The following EYS variants were observed in gnomAD, a reference collection of about 807,000 sequenced individuals.
The protein encoded by EYS is protein eyes shut homolog.
A neutral mutation model predicts 282.1 loss-of-function variants in EYS; 250 were observed. The ratio of observed to expected loss-of-function variants is 0.89; its 90% CI spans 0.80 to 0.98. The LOEUF (loss-of-function observed/expected upper bound fraction) is 0.98, where lower values mean the gene tolerates loss of function less well. Among genes scored for constraint, EYS ranks in the 50% least tolerant of loss-of-function variants. The probability of loss-of-function intolerance (pLI) is 0.00; values close to 1 mark genes in which losing one functional copy is unlikely to be tolerated. For synonymous variants in EYS, 1,355 were observed against 1,282.9 expected (o/e 1.06, Z -1.20); for missense variants, 4,016 against 3,709.0 (o/e 1.08, Z -2.15).
At position 64,816,461 on chromosome 6, in the gene EYS, G is replaced by T. The variant is rs1764743379; in HGVS notation, c.3244-2884C>A. On this transcript the variant is annotated intron_variant, in intron 21 of 42. Coordinates refer to ENST00000503581, the MANE Select transcript of EYS (RefSeq NM_001142800.2). ...TGGTAGTAAAAAGAGTCTGGAAAAG[G>T]AAATGCAACTTCTCTTACCCCCACT... 2.0e-5 allele frequency among the ~76,000 whole-genome samples: 3 copies of T among 151,996 alleles called. No individual in the cohort carries two copies. The South Asian group carries it at 6.2e-4, about 31-fold the overall frequency.
At chr6:65,270,652 A>G (rs1009937119) in intron 12 of EYS, among the ~76,000 whole-genome samples, 4 of 152,154 alleles carry the variant, frequency 2.6e-5, no homozygotes, top group Non-Finnish European at 5.9e-5. Context: ...AAAGTCAGAA[A>G]GAAGCAAGCA....
intron 5 of EYS, among the ~76,000 whole-genome samples, chr6:65,457,076 G>A (rs180993879): frequency 2.0e-4 from 30 of 152,252 alleles, no homozygotes; most frequent in Non-Finnish European, 3.7e-4. Flanking sequence ...TATGCCATGT[G>A]TCACTTAAAG....
At chr6:63,959,566 T>C (rs962803829) in intron 35 of EYS, among the ~76,000 whole-genome samples, 1 of 152,210 alleles carries the variant, frequency 6.6e-6, no homozygotes, top group African/African-American at 2.4e-5. Flanking sequence ...TCTGCATGTA[T>C]GTTTATTACA....
intron 26 of EYS, among the ~76,000 whole-genome samples, chr6:64,459,606 C>G (rs533070487): frequency 6.6e-6 from 1 of 152,230 alleles, no homozygotes; most frequent in South Asian, 2.1e-4. Flanking sequence ...GGCCTGAGAG[C>G]CCCTGGAAAA....
At chr6:64,392,906 GAA>G (rs1335553407) in intron 28 of EYS, among the ~76,000 whole-genome samples, 1 of 151,960 alleles carries the variant, frequency 6.6e-6, no homozygotes, top group Non-Finnish European at 1.5e-5. Context: ...AAAAAAGAGA[GAA>G]GAATCAAATA....
chr6:64,211,460 G>A (rs546539541), intron 31 of EYS, among the ~76,000 whole-genome samples: 1 of 151,668 alleles, frequency 6.6e-6, no homozygotes, highest in South Asian at 2.1e-4. Flanking sequence ...AGATTTTGAC[G>A]TGTCAGTCAC....
chr6:64,432,064 A>G (rs954434355), intron 28 of EYS, among the ~76,000 whole-genome samples: 3 of 152,132 alleles, frequency 2.0e-5, no homozygotes, highest in Admixed American at 6.6e-5. Flanking sequence ...GACTGTACAT[A>G]AACATAGCTG....
intron 22 of EYS, chr6:64,631,249 G>A (rs372621840): frequency 2.0e-5 from 3 of 152,142 alleles, no homozygotes; most frequent in African/African-American, 7.2e-5. Flanking sequence ...TGATACAAAA[G>A]AGTTAGTTTA....
chr6:64,659,208 C>T (rs1768891023), intron 22 of EYS, among the ~76,000 whole-genome samples: 1 of 152,064 alleles, frequency 6.6e-6, no homozygotes, highest in Admixed American at 6.6e-5. Flanking sequence ...ACACAACATT[C>T]CAGAATCTCT....
chr6:65,518,620 CA>C (rs1248031250), intron 2 of EYS, among the ~76,000 whole-genome samples: 1 of 152,022 alleles, frequency 6.6e-6, no homozygotes, highest in Admixed American at 6.6e-5. Flanking sequence ...CCCATGAGGG[CA>C]AAAGTTATTG....
At position 64,620,187 on chromosome 6, in the gene EYS, G is replaced by A. The variant is rs73437313; in HGVS notation, c.3569-2654C>T. Among the ~76,000 whole-genome samples the A allele has an allele frequency of 2.0e-3, 310 of 152,222 alleles. 3 individuals carry two copies. The highest frequency in any genetic ancestry group is 7.2e-3 in the African/African-American group (301 of 41,548). ...CCAAGAACCACAGGTATGACTTTCT[G>A]GAAGATGTCCCCTCAGTCAGGATCA... On this transcript the variant is annotated intron_variant, in intron 23 of 42. Coordinates refer to ENST00000503581, the MANE Select transcript of EYS (RefSeq NM_001142800.2).
chr6:64,620,847 T>G lies in EYS; in HGVS notation c.3569-3314A>C, dbSNP rs74505715. ...AAACCAAAAATTGTCATTAGCAATCTAGGAAAAGTAATCAAATTATTATGG... is the reference window on the plus strand; with the variant it reads ...AAACCAAAAATTGTCATTAGCAATCGAGGAAAAGTAATCAAATTATTATGG... On this transcript the variant is annotated intron_variant, in intron 23 of 42. Coordinates refer to ENST00000503581, the MANE Select transcript of EYS (RefSeq NM_001142800.2). Among the ~76,000 whole-genome samples, 120 of 152,280 alleles carry G rather than the reference T, an allele frequency of 7.9e-4. 3 individuals are homozygous for G. The East Asian group carries it at 7.9e-3, about 10-fold the overall frequency.
intron 31 of EYS, among the ~76,000 whole-genome samples, chr6:64,112,275 C>T (rs2150267110): frequency 6.6e-6 from 1 of 152,042 alleles, no homozygotes; most frequent in East Asian, 1.9e-4. Flanking sequence ...TATAGCTATG[C>T]CATACCTGGA....
At chr6:64,320,120 A>G (rs1434082782) in intron 29 of EYS, among the ~76,000 whole-genome samples, 1 of 151,994 alleles carries the variant, frequency 6.6e-6, no homozygotes, top group Non-Finnish European at 1.5e-5. Flanking sequence ...TCAGCACTTA[A>G]AAGATATTGT....
chr6:64,372,078 T>C (rs1271288394), intron 29 of EYS, among the ~76,000 whole-genome samples: 3 of 151,996 alleles, frequency 2.0e-5, no homozygotes, highest in Non-Finnish European at 4.4e-5. Flanking sequence ...CTGGTTATTA[T>C]GCAGACTTGT....
intron 39 of EYS, among the ~76,000 whole-genome samples, chr6:63,778,930 GTCAT>G (rs1770135180): frequency 6.6e-6 from 1 of 151,786 alleles, no homozygotes. Flanking sequence ...AAATTTATTG[GTCAT>G]TCATAATTTA....
rs376286784 is a variant in EYS at position 64,328,921 on chromosome 6, T to G, written c.6079-21839A>C. On this transcript the variant is annotated intron_variant, in intron 29 of 42. Transcript: ENST00000503581. ...TGTGAGATGCAAGCAGATGGGACAC[T>G]GAAGAATGAATGCCCACAAAGAGAA... Among the ~76,000 whole-genome samples the G allele has an allele frequency of 1.8e-4, 28 of 152,186 alleles. 2 individuals are homozygous for G. Among genetic ancestry groups the G allele is most frequent in the Admixed American group, 1.5e-3 (23 of 15,288 alleles).
At chr6:65,674,831 A>G (rs1308270035) in intron 1 of EYS, among the ~76,000 whole-genome samples, 1 of 152,092 alleles carries the variant, frequency 6.6e-6, no homozygotes, top group Non-Finnish European at 1.5e-5. Context: ...TAATGAATAC[A>G]GAATCCTTCA....
rs370253283 is a variant in EYS at position 64,902,059 on chromosome 6, T to A, written c.2846+54A>T. The A allele has an allele frequency of 2.4e-6, 3 of 1,270,004 alleles. No individual in the cohort carries two copies. Among genetic ancestry groups the A allele is most frequent in the Non-Finnish European group, 3.3e-6 (3 of 907,440 alleles). The allele number at this position is 1,270,004 out of a possible 1,614,324, so 78.7% of individuals were successfully genotyped here. ...ATAATGAGCACATGTGTGCTCACTT[T>A]CTTGTTGAATTACACACATCAAATA... On this transcript the variant is annotated intron_variant, in intron 18 of 42. Coordinates refer to ENST00000503581, the MANE Select transcript of EYS (RefSeq NM_001142800.2).
Sources: allele counts gnomAD v4.1 joint callset (sites outside exome capture counted in the v4.1 genomes callset), GRCh38; gene constraint gnomAD v4.1.1; transcripts MANE v1.5; gene names NCBI Gene and HGNC (gene_info 2026-07-23, HGNC 2026-07-21).